Variants in PLXNA2 observed in about 807,000 individuals in gnomAD.
PLXNA2 encodes the protein plexin-A2.
PLXNA2 carries 91 observed loss-of-function variants against 193.5 expected under a neutral mutation model. The observed-to-expected ratio is 0.47, with a 90% CI of 0.40 to 0.56. The LOEUF (loss-of-function observed/expected upper bound fraction) is 0.56, where lower values mean the gene tolerates loss of function less well. PLXNA2 is among the 20% of genes least tolerant of loss of function. The pLI, the probability that PLXNA2 is intolerant of heterozygous loss-of-function variation, is 0.00. For synonymous variants in PLXNA2, 997 were observed against 1,027.3 expected, an observed-to-expected ratio of 0.97 and a Z score of 0.56; for missense variants, 1,995 against 2,503.2, an observed-to-expected ratio of 0.80 and a Z score of 4.33.
At chr1:208,150,205 C>T (rs773823141) in intron 3 of PLXNA2, among the ~76,000 whole-genome samples, 10 of 152,212 alleles carry the variant, frequency 6.6e-5, no homozygotes, top group African/African-American at 1.7e-4. Flanking sequence ...TACACACACA[C>T]GCACATGCAC....
In PLXNA2 at chr1:208,044,516, C is replaced by A; in HGVS notation, c.3866G>T (p.Cys1289Phe). ...DNLESRVALE[C>F]KEAFAELQTD... is the part of the protein sequence containing the mutation. Reference sequence around the variant, plus strand: ...GGTGTGCTTCCACTAACCTTCCTTGCACTCCAAGGCCACACGGGACTCCAG... The same window carrying A: ...GGTGTGCTTCCACTAACCTTCCTTGAACTCCAAGGCCACACGGGACTCCAG... Residue 1289 changes from cysteine to phenylalanine, a missense_variant, in exon 20 of 32, where the codon TGC becomes TTC. Coordinates refer to ENST00000367033, the MANE Select transcript of PLXNA2 (RefSeq NM_025179.4). This position sits in a 1 kb window ranked among gnomAD's most constrained non-coding sequence, Gnocchi z 4.9. 1 of 1,612,662 alleles carries A rather than the reference C, an allele frequency of 6.2e-7. No homozygotes were observed. The highest frequency in any genetic ancestry group is 8.5e-7 in the Non-Finnish European group (1 of 1,178,650).
At chr1:208,094,033 A>T (rs757941196) in intron 8 of PLXNA2, among the ~76,000 whole-genome samples, 2 of 152,220 alleles carry the variant, frequency 1.3e-5, no homozygotes, top group Non-Finnish European at 2.9e-5. Flanking sequence ...TGGGTTGGTT[A>T]GCCCATTTAC....
intron 3 of PLXNA2, among the ~76,000 whole-genome samples, chr1:208,144,481 A>G (rs1044137241): frequency 6.6e-6 from 1 of 152,176 alleles, no homozygotes; most frequent in Non-Finnish European, 1.5e-5. Flanking sequence ...TGGGGTGGGA[A>G]GCTCTGGCCC....
intron 1 of PLXNA2, among the ~76,000 whole-genome samples, chr1:208,225,161 G>C (rs972786376): frequency 6.6e-6 from 1 of 152,194 alleles, no homozygotes; most frequent in Non-Finnish European, 1.5e-5. Context: ...TGGGGCACAA[G>C]TGCAGGGGCT....
intron 5 of PLXNA2, among the ~76,000 whole-genome samples, chr1:208,102,316 G>A (rs777127271): frequency 6.6e-6 from 1 of 152,258 alleles, no homozygotes; most frequent in Non-Finnish European, 1.5e-5. Context: ...TGCTTTGCTA[G>A]CTGGCATGGA....
intron 9 of PLXNA2, among the ~76,000 whole-genome samples, chr1:208,086,186 C>A (rs17011903): frequency 0.015 from 2,253 of 152,252 alleles, 81 homozygotes; most frequent in East Asian, 0.098. Context: ...GATTAGGCTG[C>A]ATCTTACTCA....
At chr1:208,155,264 G>A (rs1021721868) in intron 3 of PLXNA2, among the ~76,000 whole-genome samples, 2 of 152,168 alleles carry the variant, frequency 1.3e-5, no homozygotes, top group African/African-American at 4.8e-5. Flanking sequence ...TCACTGGGCC[G>A]AAGGGATGGC....
At chr1:208,170,401 G>T (rs1669458037) in intron 3 of PLXNA2, among the ~76,000 whole-genome samples, 1 of 152,208 alleles carries the variant, frequency 6.6e-6, no homozygotes, top group Non-Finnish European at 1.5e-5. Flanking sequence ...TCCAGAGACT[G>T]GTGATTGACA....
In PLXNA2 at chr1:208,217,990, C is replaced by T. The variant is rs1671200658; in HGVS notation, c.-68G>A. On this transcript the variant is annotated 5_prime_UTR_variant, in exon 2 of 32. Coordinates refer to ENST00000367033, the MANE Select transcript of PLXNA2 (RefSeq NM_025179.4). The surrounding 1 kb of genome is among the most constrained non-coding windows in gnomAD (Gnocchi z 4.7). ...CATCTGCTCCACCTTCCCCGGTTGG[C>T]CCTCACATGATTCTGCAAAACACAA... 1 of 1,570,038 alleles carries T rather than the reference C, an allele frequency of 6.4e-7. No homozygotes were observed. Among genetic ancestry groups the T allele is most frequent in the East Asian group, 2.3e-5 (1 of 43,514 alleles).
intron 3 of PLXNA2, among the ~76,000 whole-genome samples, chr1:208,207,554 A>C (rs1255904873): frequency 6.6e-6 from 1 of 152,236 alleles, no homozygotes; most frequent in Non-Finnish European, 1.5e-5. Flanking sequence ...TGAGGGCTGG[A>C]CAGCCTGACA....
Position 208,043,117 on chromosome 1 carries a change from C to A in PLXNA2, c.3961G>T (p.Ala1321Ser), listed in dbSNP as rs770107131. 1.2e-6 allele frequency: 2 copies of A among 1,614,126 alleles called. No homozygotes were observed. Among genetic ancestry groups the A allele is most frequent in the Non-Finnish European group, 1.7e-6 (2 of 1,180,026 alleles). ...ATGCCCGGGAACAGGACTCGCATAG[C>A]GTAGGTACGATAGTCCAGGTAAGGG... is the stretch of plus-strand genomic sequence containing the variant. ...GIPYLDYRTY[A>S]MRVLFPGIED... The change falls in exon 21 of 32, where the codon GCT becomes TCT. Residue 1321 changes from alanine (A) to serine (S), a missense_variant. Physicochemically the swap from Ala to Ser is moderately conservative, Grantham distance 99. Transcript: ENST00000367033.
At chr1:208,066,580 T>A (rs1173061402) in intron 12 of PLXNA2, among the ~76,000 whole-genome samples, 2 of 152,230 alleles carry the variant, frequency 1.3e-5, no homozygotes, top group African/African-American at 4.8e-5. Context: ...TAATACTTGA[T>A]AATGATGCTA....
chr1:208,163,081 T>G (rs1669182396), intron 3 of PLXNA2, among the ~76,000 whole-genome samples: 1 of 152,038 alleles, frequency 6.6e-6, no homozygotes, highest in African/African-American at 2.4e-5. Flanking sequence ...AGTCAAGACA[T>G]AGGCATGGAC....
intron 9 of PLXNA2, 117 bp from the exon 10 acceptor site, chr1:208,084,697 T>C: frequency 1.1e-6 from 1 of 896,724 alleles, no homozygotes; most frequent in Non-Finnish European, 1.7e-6. Flanking sequence ...TATTACCTCA[T>C]GTAAGGCCCG....
At chr1:208,060,549 G>T in intron 13 of PLXNA2, 137 bp downstream of exon 13, 1 of 805,890 alleles carries the variant, frequency 1.2e-6, no homozygotes, top group Non-Finnish European at 1.9e-6. Flanking sequence ...GCCCTGGGGA[G>T]GCTTCTGGGG....
chr1:208,093,010 A>G, intron 8 of PLXNA2, 110 bp from the exon 9 acceptor site: 1 of 686,820 alleles, frequency 1.5e-6, no homozygotes, highest in East Asian at 2.8e-5. Flanking sequence ...TCTCATTCTC[A>G]GGAGGGAAGA....
At chr1:208,166,436 A>G (rs1434707951) in intron 3 of PLXNA2, among the ~76,000 whole-genome samples, 1 of 152,266 alleles carries the variant, frequency 6.6e-6, no homozygotes, top group Non-Finnish European at 1.5e-5. Context: ...CTGAAGATCC[A>G]ATAAGGAAGG....
chr1:208,085,413 T>A (rs1050485680), intron 9 of PLXNA2, among the ~76,000 whole-genome samples: 6 of 152,210 alleles, frequency 3.9e-5, no homozygotes, highest in Admixed American at 2.0e-4. Context: ...AGGCTCCCCT[T>A]TCTCTGTCCC....
chr1:208,145,217 G>C (rs1668568582), intron 3 of PLXNA2, among the ~76,000 whole-genome samples: 2 of 152,210 alleles, frequency 1.3e-5, no homozygotes, highest in Admixed American at 6.5e-5. Flanking sequence ...CTTCTTGCCT[G>C]AGTCTGAACT....
Sources: allele counts gnomAD v4.1 joint callset (sites outside exome capture counted in the v4.1 genomes callset), GRCh38; gene constraint gnomAD v4.1.1; non-coding constraint Gnocchi (gnomAD v3.1); transcripts MANE v1.5; gene names NCBI Gene and HGNC (gene_info 2026-07-23, HGNC 2026-07-21).